The following PLD1 variants were observed in gnomAD, a reference collection of about 807,000 sequenced individuals.
The protein encoded by PLD1 is choline phosphatase 1.
A neutral mutation model predicts 137.1 loss-of-function variants in PLD1; 112 were observed. That is an observed-to-expected ratio of 0.82 (90% CI 0.70 to 0.96). PLD1 has a LOEUF of 0.96. Ranked by LOEUF, PLD1 falls within the 40% of genes least tolerant of loss-of-function variation. PLD1 has a pLI of 0.00. For synonymous variants in PLD1, 431 were observed against 454.7 expected (o/e 0.95, Z 0.66); for missense variants, 1,321 against 1,342.0 (o/e 0.98, Z 0.24).
At chr3:171,693,437 C>G (rs1297580479) in intron 12 of PLD1, among the ~76,000 whole-genome samples, 6 of 152,038 alleles carry the variant, frequency 3.9e-5, no homozygotes, top group Admixed American at 3.9e-4. Flanking sequence ...CTAAACTGCC[C>G]CTTACTGGAA....
rs1331507638 is a variant in PLD1 at position 171,663,043 on chromosome 3, C to T, written c.2230-873G>A. 4.6e-5 allele frequency among the ~76,000 whole-genome samples: 7 copies of T among 152,218 alleles called. 1 individual carries two copies. Among genetic ancestry groups the T allele is most frequent in the Non-Finnish European group, 1.0e-4 (7 of 68,042 alleles). On this transcript the variant is annotated intron_variant, in intron 19 of 26. Transcript: ENST00000351298. ...TCCCATCACCTCAGATTAAACCCAT[C>T]GAAGTGGAGCTCCTGACTTTTTTCT...
intron 1 of PLD1, among the ~76,000 whole-genome samples, chr3:171,801,292 AC>A (rs1442247075): frequency 6.6e-6 from 1 of 152,270 alleles, no homozygotes; most frequent in Non-Finnish European, 1.5e-5. Context: ...GAAAGCTTTC[AC>A]TGCCAACTTT....
intron 8 of PLD1, among the ~76,000 whole-genome samples, chr3:171,720,625 T>C (rs1718063586): frequency 6.6e-6 from 1 of 151,992 alleles, no homozygotes; most frequent in African/African-American, 2.4e-5. Context: ...CTTTCTAAAT[T>C]ATATGTTATC....
At position 171,620,469 on chromosome 3, in the gene PLD1, G is replaced by T; in HGVS notation, c.2645C>A (p.Ala882Glu). 6.3e-7 allele frequency: 1 copy of T among 1,599,126 alleles called. No homozygotes were observed. ...YISFCGLRTHAELEGNLVTEL... is the reference protein window; with the variant it reads ...YISFCGLRTHEELEGNLVTEL... The stretch of plus-strand genomic sequence containing the variant: ...AGTTACTAGGTTTCCTTCGAGCTCT[G>T]CATGTGTTCTAAGACCACAGAATGA... Residue 882 changes from alanine to glutamate, a missense_variant, in exon 24 of 27, where the codon GCA becomes GAA. Physicochemically the swap from Ala to Glu is moderately radical, Grantham distance 107. Coordinates refer to ENST00000351298, the MANE Select transcript of PLD1 (RefSeq NM_002662.5).
At chr3:171,806,887 T>A (rs1246683441) in intron 1 of PLD1, among the ~76,000 whole-genome samples, 2 of 152,196 alleles carry the variant, frequency 1.3e-5, no homozygotes, top group African/African-American at 4.8e-5. Flanking sequence ...AACCCCACAA[T>A]ACCCTTAGAC....
In PLD1 at chr3:171,622,457, A is replaced by G. The variant is rs537942161; in HGVS notation, c.2594-1937T>C. Among the ~76,000 whole-genome samples the G allele has an allele frequency of 2.0e-5, 3 of 152,332 alleles. No homozygotes were observed. In the South Asian group the frequency reaches 6.2e-4, roughly 32 times the overall value. ...CAAGTGAGATGCATTCCAGGATGCAAGTCTGCTCATATGAGGAAATCCATT... is the reference window on the plus strand; with the variant it reads ...CAAGTGAGATGCATTCCAGGATGCAGGTCTGCTCATATGAGGAAATCCATT... On this transcript the variant is annotated intron_variant, in intron 23 of 26. Transcript: ENST00000351298.
intron 11 of PLD1, among the ~76,000 whole-genome samples, chr3:171,700,221 G>C (rs1716124252): frequency 6.6e-6 from 1 of 152,082 alleles, no homozygotes; most frequent in African/African-American, 2.4e-5. Flanking sequence ...TGTGCAGCTA[G>C]AGCACAACGT....
chr3:171,764,888 AAAGAAAGGAAGG>A (rs1246279828), intron 1 of PLD1, among the ~76,000 whole-genome samples: 52 of 21,192 alleles, frequency 2.5e-3, no homozygotes, highest in African/African-American at 8.8e-3. Flanking sequence ...AGAAAGAAAG[AAAGAAAGGAAGG>A]AAGGAAGGAA....
At chr3:171,660,173 G>A (rs1349573400) in intron 20 of PLD1, among the ~76,000 whole-genome samples, 1 of 152,104 alleles carries the variant, frequency 6.6e-6, no homozygotes, top group African/African-American at 2.4e-5. Flanking sequence ...GTAACAACTC[G>A]TAATTATCAT....
At chr3:171,776,192 C>A (rs542353685) in intron 1 of PLD1, among the ~76,000 whole-genome samples, 3 of 152,184 alleles carry the variant, frequency 2.0e-5, no homozygotes, top group Non-Finnish European at 2.9e-5. Context: ...TGGGCCTCAG[C>A]ACTGCGCCAG....
intron 8 of PLD1, chr3:171,721,206 C>T (rs1469585507): frequency 6.6e-6 from 1 of 152,108 alleles, no homozygotes; most frequent in Admixed American, 6.5e-5. Flanking sequence ...CTTGAGTAGA[C>T]GCCTTAGGTT....
intron 1 of PLD1, among the ~76,000 whole-genome samples, chr3:171,805,285 G>A (rs1578490371): frequency 6.6e-6 from 1 of 152,274 alleles, no homozygotes; most frequent in South Asian, 2.1e-4. Context: ...GAGGGGAGCT[G>A]AGGGTCACGG....
intron 8 of PLD1, among the ~76,000 whole-genome samples, chr3:171,720,255 C>T (rs574421544): frequency 6.9e-6 from 1 of 145,444 alleles, no homozygotes; most frequent in Non-Finnish European, 1.5e-5. Flanking sequence ...GATCATACCA[C>T]TGCACTCCAG....
chr3:171,620,407 C>T lies in PLD1; in HGVS notation c.2707G>A (p.Asp903Asn). 2 of 1,596,956 alleles carry T rather than the reference C, an allele frequency of 1.3e-6. No homozygotes were observed. Among genetic ancestry groups the T allele is most frequent in the Non-Finnish European group, 1.7e-6 (2 of 1,167,770 alleles). ...TTACCAATAATAACAGTGTTATCAT[C>T]AGCAATTAACAACTTGCTGTGGACA... ...IYVHSKLLIA[D>N]DNTVIIGSAN... is the part of the protein sequence containing the mutation. The change falls in exon 24 of 27, where the codon GAT becomes AAT. Residue 903 changes from aspartate (D) to asparagine (N), a missense_variant. By Grantham distance (23) the Asp-to-Asn change is conservative. Transcript: ENST00000351298.
In PLD1 at chr3:171,605,888, C is replaced by T. The variant is rs546657740; in HGVS notation, c.2883-472G>A. On this transcript the variant is annotated intron_variant, in intron 25 of 26. Coordinates refer to ENST00000351298, the MANE Select transcript of PLD1 (RefSeq NM_002662.5). ...TGAAATAATACCAAGAAGACCTGTG[C>T]TATTTGGAAAGAGCAATAGGAAAAT... Among the ~76,000 whole-genome samples the T allele has an allele frequency of 2.6e-5, 4 of 152,300 alleles. 1 individual carries two copies. In the South Asian group the frequency reaches 8.3e-4, roughly 32 times the overall value.
intron 23 of PLD1, among the ~76,000 whole-genome samples, chr3:171,642,224 G>A (rs1735814462): frequency 6.6e-6 from 1 of 152,054 alleles, no homozygotes; most frequent in Non-Finnish European, 1.5e-5. Context: ...GGAGGCTGTG[G>A]CGGGTGGATC....
In PLD1 at chr3:171,674,536, T is replaced by C. The variant is rs747936191; in HGVS notation, c.2193A>G (p.Arg731=). The change falls in exon 19 of 27, where the codon AGA becomes AGG. Residue 731 remains arginine (R), a synonymous_variant. Transcript: ENST00000351298. ...CATGGACAGACCCAGGCACTTGATA[T>C]CTCAACTCATGGGCTGTTGTTTGAG... ...PKSQTTAHEL[R]YQVPGSVHAN... The C allele has an allele frequency of 2.4e-5, 38 of 1,610,140 alleles. No homozygotes were observed. The East Asian group carries it at 8.5e-4, about 36-fold the overall frequency.
intron 16 of PLD1, among the ~76,000 whole-genome samples, chr3:171,684,289 C>T (rs1714325739): frequency 6.6e-6 from 1 of 152,208 alleles, no homozygotes; most frequent in Admixed American, 6.5e-5. Flanking sequence ...TGGCAACCTC[C>T]TTTCCTCCAC....
intron 23 of PLD1, among the ~76,000 whole-genome samples, chr3:171,630,672 T>C (rs1459524297): frequency 1.4e-5 from 2 of 141,898 alleles, no homozygotes; most frequent in African/African-American, 5.6e-5. Flanking sequence ...CACCATGGAA[T>C]ACTATGCAGC....
Sources: gnomAD v4.1 joint callset for allele counts (sites outside exome capture counted in the v4.1 genomes callset) on GRCh38, gnomAD v4.1.1 for gene constraint, MANE v1.5 for transcripts, NCBI Gene and HGNC (gene_info 2026-07-23, HGNC 2026-07-21) for gene names.